Variants in NBDY observed in about 807,000 individuals in gnomAD.
NBDY encodes P-body dissociating protein.
intron 2 of NBDY, among the ~76,000 whole-genome samples, chrX:56,783,315 C>T (rs1254716978): frequency 5.3e-5 from 6 of 113,180 alleles, no homozygotes; most frequent in African/African-American, 1.9e-4. Context: ...ACACTCAACA[C>T]GCCGAAGCTC....
intron 2 of NBDY, among the ~76,000 whole-genome samples, chrX:56,782,785 C>T (rs1452635134): frequency 8.9e-6 from 1 of 111,767 alleles, no homozygotes. Flanking sequence ...GTCTCCGCCA[C>T]ATGCCCATTT....
chrX:56,745,843 GT>G (rs2069555035), intron 2 of NBDY, among the ~76,000 whole-genome samples: 1 of 15,862 alleles, frequency 6.3e-5, no homozygotes, highest in Non-Finnish European at 1.9e-4. Context: ...CCCATGATTA[GT>G]TTAAGCGTTT....
chrX:56,816,764 A>G (rs2069912554), intron 2 of NBDY, among the ~76,000 whole-genome samples: 1 of 111,076 alleles, frequency 9.0e-6, no homozygotes, highest in Admixed American at 9.6e-5. Flanking sequence ...GACAGAATTG[A>G]TAACTATGTT....
intron 2 of NBDY, among the ~76,000 whole-genome samples, chrX:56,794,349 C>T (rs966513020): frequency 3.4e-4 from 38 of 112,067 alleles, no homozygotes; most frequent in African/African-American, 1.2e-3. Context: ...TCTTCTTCTT[C>T]CCCCACTGTG....
intron 2 of NBDY, among the ~76,000 whole-genome samples, chrX:56,749,119 G>A (rs2069571019): frequency 9.1e-6 from 1 of 109,825 alleles, no homozygotes; most frequent in Non-Finnish European, 1.9e-5. Flanking sequence ...GATAAGACTA[G>A]GGTATTGGTA....
chrX:56,734,818 C>T (rs1286950913), intron 2 of NBDY, among the ~76,000 whole-genome samples: 2 of 112,279 alleles, frequency 1.8e-5, no homozygotes, highest in East Asian at 2.8e-4. Context: ...TATTTTTTCT[C>T]GCTTCTCATC....
chrX:56,800,743 C>G (rs1259432469), intron 2 of NBDY, among the ~76,000 whole-genome samples: 1 of 111,034 alleles, frequency 9.0e-6, no homozygotes, highest in Non-Finnish European at 1.9e-5. Flanking sequence ...TTAGGGAGTT[C>G]AGGATCAGCC....
Position 56,805,588 on chromosome X carries a change from T to G in NBDY, c.*167-11732T>G, listed in dbSNP as rs771559520. On this transcript the variant is annotated intron_variant, in intron 2 of 2. Coordinates refer to ENST00000374922, the MANE Select transcript of NBDY (RefSeq NM_001348129.2). ...CAGAGGATGCAGGATGGGGTGGTGG[T>G]GGGGGCAGTGGGGACCAGGGCAGCC... is the stretch of plus-strand genomic sequence containing the variant. Among the ~76,000 whole-genome samples, 3 of 111,296 alleles carry G rather than the reference T, an allele frequency of 2.7e-5. No individual in the cohort carries two copies. The East Asian group carries it at 8.6e-4, about 32-fold the overall frequency.
At chrX:56,812,559 A>C (rs918168101) in intron 2 of NBDY, among the ~76,000 whole-genome samples, 1 of 110,223 alleles carries the variant, frequency 9.1e-6, no homozygotes, top group African/African-American at 3.3e-5. Context: ...TTTTGCCTGT[A>C]CCTTTGTTCT....
chrX:56,818,434 T>C lies in NBDY; in HGVS notation c.*1281T>C, dbSNP rs2069920392. ...CTAGAGTTATGTTATGCACACTTAA[T>C]AAATTATAGACAGTTATTTTAAAGA... is the stretch of plus-strand genomic sequence containing the variant. On this transcript the variant is annotated 3_prime_UTR_variant, in exon 3 of 3. Coordinates refer to ENST00000374922, the MANE Select transcript of NBDY (RefSeq NM_001348129.2). The C allele has an allele frequency of 8.9e-6, 1 of 111,973 alleles. No individual in the cohort carries two copies. The highest frequency in any genetic ancestry group is 1.9e-5 in the Non-Finnish European group (1 of 53,183). The allele number at this position is 111,973 out of a possible 1,213,427, so 9.2% of individuals were successfully genotyped here. A position where few individuals can be genotyped will look rare whatever the true frequency, so the allele number is the denominator to read the frequency against.
At chrX:56,812,813 CTTCCTTT>C (rs1324972615) in intron 2 of NBDY, among the ~76,000 whole-genome samples, 9 of 111,709 alleles carry the variant, frequency 8.1e-5, no homozygotes, top group African/African-American at 2.9e-4. Flanking sequence ...TCTTCTTCTT[CTTCCTTT>C]TTCCTTTCAC....
At chrX:56,813,026 A>T (rs1413061441) in intron 2 of NBDY, among the ~76,000 whole-genome samples, 1 of 109,753 alleles carries the variant, frequency 9.1e-6, no homozygotes, top group Non-Finnish European at 1.9e-5. Flanking sequence ...AACATCACAC[A>T]CCGGGGCCTG....
chrX:56,730,615 T>C (rs1385965453), intron 1 of NBDY, among the ~76,000 whole-genome samples: 2 of 102,840 alleles, frequency 1.9e-5, no homozygotes, highest in Non-Finnish European at 3.9e-5. Context: ...CAGGGAATGC[T>C]TTTCAGGCCG....
rs1027955712 is a variant in NBDY at position 56,732,146 on chromosome X, C to T, written c.*113C>T. The T allele has an allele frequency of 6.8e-6, 2 of 294,840 alleles. No individual in the cohort carries two copies. Among genetic ancestry groups the T allele is most frequent in the African/African-American group, 2.8e-5 (1 of 36,277 alleles). The allele number at this position is 294,840 out of a possible 1,213,427, so 24.3% of individuals were successfully genotyped here. A position where few individuals can be genotyped will look rare whatever the true frequency, so the allele number is the denominator to read the frequency against. ...TGGTGAAAACAATGAAGATTATTTACAATGCTACCCTGCTTTTTCTGGTGT... is the reference window on the plus strand; with the variant it reads ...TGGTGAAAACAATGAAGATTATTTATAATGCTACCCTGCTTTTTCTGGTGT... On this transcript the variant is annotated 3_prime_UTR_variant, in exon 2 of 3. Transcript: ENST00000374922.
chrX:56,753,704 A>G (rs1440087028), intron 2 of NBDY, among the ~76,000 whole-genome samples: 1 of 111,876 alleles, frequency 8.9e-6, no homozygotes, highest in Non-Finnish European at 1.9e-5. Flanking sequence ...GGAAGAAACT[A>G]TCTCAAGAAA....
chrX:56,796,154 T>G (rs2069790695), intron 2 of NBDY, among the ~76,000 whole-genome samples: 1 of 111,432 alleles, frequency 9.0e-6, no homozygotes, highest in Admixed American at 9.4e-5. Flanking sequence ...ATGTTCAGGA[T>G]GGGGTTGGGG....
intron 2 of NBDY, among the ~76,000 whole-genome samples, chrX:56,790,410 C>T (rs1324542906): frequency 8.9e-6 from 1 of 111,751 alleles, no homozygotes; most frequent in Non-Finnish European, 1.9e-5. Flanking sequence ...AGAGCAGTGT[C>T]AATCTCGTGT....
chrX:56,785,834 A>T (rs1423425146), intron 2 of NBDY, among the ~76,000 whole-genome samples: 6 of 111,364 alleles, frequency 5.4e-5, no homozygotes, highest in Non-Finnish European at 9.4e-5. Flanking sequence ...TTCTTTGTGT[A>T]CTTTTGGAGA....
chrX:56,765,055 A>C (rs757868155), intron 2 of NBDY, among the ~76,000 whole-genome samples: 57 of 111,921 alleles, frequency 5.1e-4, no homozygotes, highest in Non-Finnish European at 8.1e-4. Context: ...TTCTCCCTTC[A>C]CTTTTTTCTT....
Sources: allele counts gnomAD v4.1 joint callset (sites outside exome capture counted in the v4.1 genomes callset), GRCh38; gene constraint gnomAD v4.1.1; transcripts MANE v1.5; gene names NCBI Gene and HGNC (gene_info 2026-07-23, HGNC 2026-07-21).